The following ZNF503 variants were observed in gnomAD, a reference collection of about 807,000 sequenced individuals.
ZNF503 encodes the protein zinc finger protein 503, also known as NocA-like zinc finger 2.
In ZNF503, 15 loss-of-function variants were observed where a neutral mutation model predicts 34.4. The observed-to-expected ratio is 0.44, with a 90% CI of 0.29 to 0.67. The LOEUF is 0.67. Among genes scored for constraint, ZNF503 ranks in the 30% least tolerant of loss-of-function variants. The probability of loss-of-function intolerance (pLI) is 0.13; values close to 1 mark genes in which losing one functional copy is unlikely to be tolerated. For missense variants in ZNF503, 1,007 were observed against 926.8 expected (o/e 1.09, Z -1.12); for synonymous variants, 580 against 456.8 (o/e 1.27, Z -3.44).
At chr10:75,395,951 G>A (rs1285777906), downstream of ZNF503, among the ~76,000 whole-genome samples, 4 of 152,226 alleles carry the variant, frequency 2.6e-5, no homozygotes, top group East Asian at 1.9e-4. The surrounding 1 kb of genome is among the most constrained non-coding windows in gnomAD (Gnocchi z 4.4). Flanking sequence ...GGCCGGCAAG[G>A]TGTGGTCGCT....
At chr10:75,313,184 G>A in the ZNF503 span, among the ~76,000 whole-genome samples, 1 of 152,150 alleles carries the variant, frequency 6.6e-6, no homozygotes, top group African/African-American at 2.4e-5. Context: ...GAGGTAGAGC[G>A]ATGTCAGCAA....
chr10:75,325,284 A>G, the ZNF503 span, among the ~76,000 whole-genome samples: 1 of 151,158 alleles, frequency 6.6e-6, no homozygotes, highest in Admixed American at 6.6e-5. Flanking sequence ...GTTCTGTTTC[A>G]CTGATCTACA....
the ZNF503 span, among the ~76,000 whole-genome samples, chr10:75,365,387 C>T: frequency 3.3e-5 from 5 of 152,332 alleles, no homozygotes; most frequent in East Asian, 7.7e-4. Flanking sequence ...ACCTTGTGAT[C>T]CGCCTGCCTT....
At chr10:75,308,130 C>G in the ZNF503 span, among the ~76,000 whole-genome samples, 6 of 149,866 alleles carry the variant, frequency 4.0e-5, no homozygotes, top group East Asian at 1.2e-3. Flanking sequence ...ATAAAAATGA[C>G]TTATGTTAAA....
At chr10:75,396,780 G>T (rs897831891), downstream of ZNF503, among the ~76,000 whole-genome samples, 1 of 152,134 alleles carries the variant, frequency 6.6e-6, no homozygotes, top group Non-Finnish European at 1.5e-5. This position sits in a 1 kb window ranked among gnomAD's most constrained non-coding sequence, Gnocchi z 4.4. Context: ...ACTAGCCGGA[G>T]GACCTGGGCT....
At chr10:75,361,666 C>T in the ZNF503 span, 1 of 152,234 alleles carries the variant, frequency 6.6e-6, no homozygotes, top group South Asian at 2.1e-4. Flanking sequence ...ACCATTAAAT[C>T]ATTTACATTG....
the ZNF503 span, among the ~76,000 whole-genome samples, chr10:75,381,083 G>A: frequency 6.6e-6 from 1 of 152,214 alleles, no homozygotes; most frequent in Non-Finnish European, 1.5e-5. Flanking sequence ...ATTTGTAATT[G>A]ATTTTAACAA....
the ZNF503 span, chr10:75,361,616 T>C: frequency 6.6e-6 from 1 of 152,230 alleles, no homozygotes; most frequent in Non-Finnish European, 1.5e-5. Flanking sequence ...AAAAAAATCC[T>C]ACAAGGAAAC....
the ZNF503 span, among the ~76,000 whole-genome samples, chr10:75,332,241 T>C: frequency 1.3e-5 from 2 of 152,082 alleles, no homozygotes; most frequent in African/African-American, 4.8e-5. Context: ...TGCTCTATTT[T>C]CTCTCACCTC....
chr10:75,299,522 A>T, the ZNF503 span, among the ~76,000 whole-genome samples: 1 of 152,092 alleles, frequency 6.6e-6, no homozygotes, highest in South Asian at 2.1e-4. Context: ...TATAATTGGT[A>T]TTTCCTAATG....
the ZNF503 span, among the ~76,000 whole-genome samples, chr10:75,310,087 A>G: frequency 1.3e-5 from 2 of 152,224 alleles, no homozygotes; most frequent in Admixed American, 6.5e-5. Context: ...ACAGTGCTCT[A>G]AAATATGTCC....
At chr10:75,348,792 G>A in the ZNF503 span, among the ~76,000 whole-genome samples, 278 of 152,244 alleles carry the variant, frequency 1.8e-3, 6 homozygotes, top group Admixed American at 0.017. Context: ...GATTACAGGC[G>A]TGAGCCACCG....
At chr10:75,356,887 C>T in the ZNF503 span, among the ~76,000 whole-genome samples, 2,573 of 152,290 alleles carry the variant, frequency 0.017, 35 homozygotes, top group African/African-American at 0.043. Context: ...TTTTTACTCC[C>T]ATTTCTCAAG....
At chr10:75,389,493 G>A in the ZNF503 span, among the ~76,000 whole-genome samples, 2 of 152,206 alleles carry the variant, frequency 1.3e-5, no homozygotes, top group Non-Finnish European at 2.9e-5. Flanking sequence ...ACTTTGGGAG[G>A]CTGAGGTAGG....
the ZNF503 span, among the ~76,000 whole-genome samples, chr10:75,339,311 C>T: frequency 6.6e-6 from 1 of 152,234 alleles, no homozygotes; most frequent in Non-Finnish European, 1.5e-5. Context: ...AGATGTTTCT[C>T]TCATGTATAA....
At chr10:75,344,166 G>T in the ZNF503 span, among the ~76,000 whole-genome samples, 9 of 152,234 alleles carry the variant, frequency 5.9e-5, no homozygotes, top group Admixed American at 5.9e-4. Context: ...CTCCTTGGGT[G>T]GGCCCTTCTT....
At chr10:75,284,214 C>T in the ZNF503 span, among the ~76,000 whole-genome samples, 4 of 151,960 alleles carry the variant, frequency 2.6e-5, no homozygotes, top group South Asian at 2.1e-4. Flanking sequence ...CTTGAAAGAC[C>T]GCCCAACCCC....
chr10:75,345,634 CAAAAAAA>C, the ZNF503 span, among the ~76,000 whole-genome samples: 1 of 72,302 alleles, frequency 1.4e-5, no homozygotes, highest in Non-Finnish European at 2.6e-5. Flanking sequence ...GACTCTGTCT[CAAAAAAA>C]AAAAAAAAAA....
the ZNF503 span, among the ~76,000 whole-genome samples, chr10:75,338,702 G>A: frequency 3.3e-5 from 5 of 152,138 alleles, no homozygotes; most frequent in African/African-American, 1.2e-4. Context: ...TCTGGAGAGA[G>A]AGCAAATGGA....
Sources: gnomAD v4.1 joint callset for allele counts (sites outside exome capture counted in the v4.1 genomes callset) on GRCh38, gnomAD v4.1.1 for gene constraint, Gnocchi (gnomAD v3.1) non-coding constraint, MANE v1.5 for transcripts, NCBI Gene and HGNC (gene_info 2026-07-23, HGNC 2026-07-21) for gene names.